IQGAP1: variants seen among roughly 807,000 people sequenced by gnomAD.
The protein encoded by IQGAP1 is ras GTPase-activating-like protein IQGAP1.
A neutral mutation model predicts 215.6 loss-of-function variants in IQGAP1; 66 were observed. The ratio of observed to expected loss-of-function variants is 0.31; its 90% CI spans 0.25 to 0.38. The LOEUF (loss-of-function observed/expected upper bound fraction) is 0.38. IQGAP1 is among the 10% of genes least tolerant of loss of function. The probability of loss-of-function intolerance (pLI) is 1.00; values close to 1 mark genes in which losing one functional copy is unlikely to be tolerated. For missense variants in IQGAP1, 1,712 were observed against 1,997.1 expected (o/e 0.86, Z 2.72); for synonymous variants, 772 against 728.7 (o/e 1.06, Z -0.96).
chr15:90,451,601 A>T (rs1285711395), intron 11 of IQGAP1, among the ~76,000 whole-genome samples: 1 of 150,440 alleles, frequency 6.6e-6, no homozygotes, highest in Non-Finnish European at 1.5e-5. Flanking sequence ...TCCCAACACC[A>T]CCACACTGGG....
chr15:90,466,571 G>T, intron 17 of IQGAP1, 135 bp downstream of exon 17: 2 of 836,068 alleles, frequency 2.4e-6, no homozygotes, highest in Non-Finnish European at 3.7e-6. Context: ...TCATTTTAAA[G>T]GAGATAAAAT....
Position 90,473,025 on chromosome 15 carries a change from A to G in IQGAP1, c.2349+15A>G, listed in dbSNP as rs762112046. 2 of 1,611,414 alleles carry G rather than the reference A, an allele frequency of 1.2e-6. No individual in the cohort carries two copies. The highest frequency in any genetic ancestry group is 1.7e-6 in the Non-Finnish European group (2 of 1,177,994). ...CCTGCATTCAGGTATTTCAGAACCT[A>G]TCACACAGACAGCAAGCGGGCATCT... On this transcript the variant is annotated intron_variant, in intron 19 of 37. Transcript: ENST00000268182.
At chr15:90,457,005 C>T (rs1261102935) in intron 15 of IQGAP1, among the ~76,000 whole-genome samples, 1 of 146,394 alleles carries the variant, frequency 6.8e-6, no homozygotes, top group Non-Finnish European at 1.5e-5. Context: ...TATATATGAT[C>T]CAGAAAAATG....
At chr15:90,458,607 C>A (rs1311853844) in intron 15 of IQGAP1, among the ~76,000 whole-genome samples, 1 of 152,220 alleles carries the variant, frequency 6.6e-6, no homozygotes, top group African/African-American at 2.4e-5. Flanking sequence ...GCTTAGGAAT[C>A]TGTATTTTAA....
chr15:90,389,954 C>CAA (rs5814431), intron 1 of IQGAP1, among the ~76,000 whole-genome samples: 4 of 125,186 alleles, frequency 3.2e-5, no homozygotes, highest in Non-Finnish European at 3.6e-5. Context: ...GACCCTGTCT[C>CAA]AAAAAAAAAA....
chr15:90,473,432 C>G, intron 19 of IQGAP1: 1 of 436,168 alleles, frequency 2.3e-6, no homozygotes, highest in Non-Finnish European at 4.2e-6. Context: ...ATCTTATCTT[C>G]CTCACCTGGT....
intron 5 of IQGAP1, among the ~76,000 whole-genome samples, chr15:90,435,709 G>A (rs867551527): frequency 6.6e-6 from 1 of 152,160 alleles, no homozygotes; most frequent in Non-Finnish European, 1.5e-5. Flanking sequence ...CTGTAGTAGA[G>A]CCTAAAGAAT....
chr15:90,488,230 TAATAAATAAATAAATA>T (rs76285758), intron 33 of IQGAP1, among the ~76,000 whole-genome samples: 1 of 147,620 alleles, frequency 6.8e-6, no homozygotes, highest in East Asian at 2.0e-4. Context: ...CAAAAAATAA[TAATAAATAAATAAATA>T]AATAAATAAA....
intron 35 of IQGAP1, 37 bp from the exon 36 acceptor site, chr15:90,494,676 G>A: frequency 6.4e-7 from 1 of 1,565,396 alleles, no homozygotes; most frequent in African/African-American, 1.4e-5. Context: ...AGAGTAGATG[G>A]TTACTTATAG....
intron 5 of IQGAP1, among the ~76,000 whole-genome samples, chr15:90,439,120 A>AT (rs1965412357): frequency 6.6e-6 from 1 of 151,514 alleles, no homozygotes; most frequent in African/African-American, 2.4e-5. Flanking sequence ...GCATTGTGTT[A>AT]TGTGACTTTT....
At chr15:90,482,573 G>A in intron 28 of IQGAP1, 1 of 419,268 alleles carries the variant, frequency 2.4e-6, no homozygotes, top group South Asian at 2.5e-5. Context: ...CTCTGCTGGT[G>A]ACCTGGCGAA....
chr15:90,477,197 G>GGAGT lies in IQGAP1; in HGVS notation c.3072_3073insAGTG (p.Leu1025SerfsTer4). ...CAGCGAGAGGAGTACCTGCTCCTGC[G>GGAGT]GCTCTTTAAGACAGCACTCCAAGAG... On this transcript the variant is annotated frameshift_variant, in exon 25 of 38. Coordinates refer to ENST00000268182, the MANE Select transcript of IQGAP1 (RefSeq NM_003870.4). LOFTEE classifies it high-confidence loss of function. 6.2e-7 allele frequency: 1 copy of GGAGT among 1,613,920 alleles called. No individual in the cohort carries two copies. The highest frequency in any genetic ancestry group is 8.5e-7 in the Non-Finnish European group (1 of 1,179,970).
At chr15:90,473,564 G>A in intron 19 of IQGAP1, 151 bp from the exon 20 acceptor site, 1 of 613,780 alleles carries the variant, frequency 1.6e-6, no homozygotes, top group Non-Finnish European at 2.9e-6. Context: ...GATGGCCCGT[G>A]CCCTTGTTCC....
chr15:90,465,256 G>T (rs1965814282), intron 15 of IQGAP1, among the ~76,000 whole-genome samples: 1 of 152,220 alleles, frequency 6.6e-6, no homozygotes, highest in African/African-American at 2.4e-5. Context: ...AGACTTGACA[G>T]TCTTAAAAAC....
intron 1 of IQGAP1, among the ~76,000 whole-genome samples, chr15:90,389,954 CAAAAAAA>C (rs5814431): frequency 4.0e-5 from 5 of 125,192 alleles, no homozygotes; most frequent in Non-Finnish European, 1.8e-5. Flanking sequence ...GACCCTGTCT[CAAAAAAA>C]AAAAAAAAAA....
rs777290308 is a variant in IQGAP1, at chr15:90,426,205, T to A, written c.251T>A (p.Phe84Tyr). Residue 84 changes from phenylalanine to tyrosine, a missense_variant, in exon 3 of 38, where the codon TTC becomes TAC. By Grantham distance (22) the Phe-to-Tyr change is conservative. This residue lies in a region of IQGAP1 where 1,021 missense variants were observed against 1,074.2 expected (regional missense o/e 0.95). Coordinates refer to ENST00000268182, the MANE Select transcript of IQGAP1 (RefSeq NM_003870.4). ...GTCTACCTTGCCAAACTGGGGAACT[T>A]CTTCTCTCCCAAAGTAGTGTCCCTG... is the stretch of plus-strand genomic sequence containing the variant. ...NGVYLAKLGNFFSPKVVSLKK... is the reference protein window; with the variant it reads ...NGVYLAKLGNYFSPKVVSLKK... 2.5e-6 allele frequency: 4 copies of A among 1,603,520 alleles called. No individual in the cohort carries two copies. The highest frequency in any genetic ancestry group is 1.4e-5 in the African/African-American group (1 of 73,938).
At position 90,444,726 on chromosome 15, in the gene IQGAP1, C is replaced by G. The variant is rs184547311; in HGVS notation, c.913+1248C>G. ...ACTCACCATGACTACTTCATACTTG[C>G]CAGACAAAATGCAGATCCCTAGCCT... On this transcript the variant is annotated intron_variant, in intron 9 of 37. Coordinates refer to ENST00000268182, the MANE Select transcript of IQGAP1 (RefSeq NM_003870.4). Among the ~76,000 whole-genome samples the G allele has an allele frequency of 1.2e-3, 187 of 152,350 alleles. 1 individual carries two copies. Among genetic ancestry groups the G allele is most frequent in the African/African-American group, 4.2e-3 (174 of 41,584 alleles).
chr15:90,416,578 C>CTTTTTTTTT (rs59801805), intron 2 of IQGAP1, among the ~76,000 whole-genome samples: 40 of 139,300 alleles, frequency 2.9e-4, no homozygotes, highest in African/African-American at 1.0e-3. Flanking sequence ...TGTTTCCTGA[C>CTTTTTTTTT]TTTTTTTTTT....
At chr15:90,404,270 A>G (rs576948731) in intron 2 of IQGAP1, among the ~76,000 whole-genome samples, 5 of 152,320 alleles carry the variant, frequency 3.3e-5, no homozygotes, top group South Asian at 2.1e-4. Context: ...CTGCCTGTCA[A>G]TAATGTACAT....
Sources: allele counts gnomAD v4.1 joint callset (sites outside exome capture counted in the v4.1 genomes callset), GRCh38; gene constraint gnomAD v4.1.1; regional missense constraint gnomAD v4.1.1; transcripts MANE v1.5; gene names NCBI Gene and HGNC (gene_info 2026-07-23, HGNC 2026-07-21).